Variants in SSBP2 observed in about 807,000 individuals in gnomAD.
SSBP2 encodes the protein single stranded DNA binding protein 2, also known as single-stranded DNA-binding protein 2.
In SSBP2, 17 loss-of-function variants were observed where a neutral mutation model predicts 61.8. The observed-to-expected ratio is 0.28, with a 90% CI of 0.19 to 0.41. The LOEUF is 0.41. SSBP2 is among the 10% of genes least tolerant of loss of function. SSBP2 has a pLI of 1.00. For missense variants in SSBP2, 310 were observed against 458.7 expected, an observed-to-expected ratio of 0.68 and a Z score of 2.96; for synonymous variants, 139 against 141.3, an observed-to-expected ratio of 0.98 and a Z score of 0.12.
intron 16 of SSBP2, among the ~76,000 whole-genome samples, chr5:81,422,017 T>C (rs1761644285): frequency 6.6e-6 from 1 of 152,160 alleles, no homozygotes. Context: ...AATTAAAATG[T>C]AAATGTGGAC....
At chr5:81,647,332 A>G (rs1749357341) in intron 2 of SSBP2, among the ~76,000 whole-genome samples, 1 of 152,078 alleles carries the variant, frequency 6.6e-6, no homozygotes, top group Non-Finnish European at 1.5e-5. Flanking sequence ...ATGTACCCAC[A>G]AAAATATATA....
chr5:81,696,488 G>C (rs1251433652), intron 1 of SSBP2, among the ~76,000 whole-genome samples: 1 of 152,160 alleles, frequency 6.6e-6, no homozygotes, highest in Non-Finnish European at 1.5e-5. Context: ...ATGGAAGTTG[G>C]GGGTGGGAGA....
chr5:81,526,979 CAAAG>C (rs933593753), intron 4 of SSBP2, among the ~76,000 whole-genome samples: 9 of 151,390 alleles, frequency 5.9e-5, no homozygotes, highest in South Asian at 2.1e-4. Context: ...AACAAAAAAA[CAAAG>C]AAAGAAAAAG....
intron 6 of SSBP2, among the ~76,000 whole-genome samples, chr5:81,474,886 A>G (rs1196640981): frequency 6.6e-6 from 1 of 152,188 alleles, no homozygotes; most frequent in Non-Finnish European, 1.5e-5. Context: ...TACTAAGAGT[A>G]CTGAAATAAC....
At chr5:81,662,833 T>A (rs191230139) in intron 1 of SSBP2, among the ~76,000 whole-genome samples, 1 of 152,006 alleles carries the variant, frequency 6.6e-6, no homozygotes, top group East Asian at 1.9e-4. Context: ...AAAAGAAAAT[T>A]ACAACTTCTA....
intron 5 of SSBP2, among the ~76,000 whole-genome samples, chr5:81,504,716 A>G (rs1768047127): frequency 1.3e-5 from 2 of 152,172 alleles, no homozygotes; most frequent in South Asian, 4.1e-4. Context: ...ATATTTTAAA[A>G]TAGTTATTTA....
intron 15 of SSBP2, among the ~76,000 whole-genome samples, chr5:81,437,180 CAACT>C (rs1366603837): frequency 6.6e-6 from 1 of 151,708 alleles, no homozygotes; most frequent in Non-Finnish European, 1.5e-5. Flanking sequence ...ACTTGGGTGT[CAACT>C]AATAATGTAT....
intron 1 of SSBP2, among the ~76,000 whole-genome samples, chr5:81,692,283 C>T (rs1177076689): frequency 6.6e-6 from 1 of 151,748 alleles, no homozygotes; most frequent in Non-Finnish European, 1.5e-5. Flanking sequence ...AATAAAATAC[C>T]TAGGAATTAA....
chr5:81,585,517 T>TA (rs987536099), intron 4 of SSBP2, among the ~76,000 whole-genome samples: 11 of 151,832 alleles, frequency 7.2e-5, no homozygotes, highest in Middle Eastern at 6.8e-3. Context: ...ACAAAGGTAT[T>TA]AAAAAAAATC....
chr5:81,668,640 T>C (rs185665097), intron 1 of SSBP2, among the ~76,000 whole-genome samples: 27 of 152,296 alleles, frequency 1.8e-4, no homozygotes, highest in Middle Eastern at 3.4e-3. Context: ...CTCCGTTTAA[T>C]TGTATAACAG....
intron 1 of SSBP2, among the ~76,000 whole-genome samples, chr5:81,698,823 C>T (rs902381478): frequency 6.6e-6 from 1 of 152,050 alleles, no homozygotes; most frequent in Admixed American, 6.6e-5. Context: ...ATAAAAAATA[C>T]ACTGCATACA....
chr5:81,446,213 G>C (rs1763391108), intron 12 of SSBP2, among the ~76,000 whole-genome samples: 2 of 150,550 alleles, frequency 1.3e-5, no homozygotes, highest in African/African-American at 2.5e-5. Context: ...TTCTAAGAAG[G>C]GTGCGCCAAT....
rs145265455 is a variant in SSBP2, at chr5:81,573,857, T to G, written c.282+41616A>C. 4.3e-3 allele frequency among the ~76,000 whole-genome samples: 656 copies of G among 152,290 alleles called. 3 individuals carry two copies. The highest frequency in any genetic ancestry group is 0.015 in the South Asian group (74 of 4,826). ...GAGCTGAGCTTAAAAACCATTATGC[T>G]TGACCAGGCGCAGTGGCTCATGCCT... On this transcript the variant is annotated intron_variant, in intron 4 of 16. Transcript: ENST00000320672.
chr5:81,629,661 T>C (rs947384009), intron 3 of SSBP2, among the ~76,000 whole-genome samples: 1 of 152,224 alleles, frequency 6.6e-6, no homozygotes, highest in Non-Finnish European at 1.5e-5. Context: ...GTTGCTATTA[T>C]AACCAGTACA....
intron 3 of SSBP2, among the ~76,000 whole-genome samples, chr5:81,623,328 GTAC>G (rs1746802221): frequency 7.1e-6 from 1 of 140,012 alleles, no homozygotes; most frequent in Non-Finnish European, 1.5e-5. Flanking sequence ...TTCCATTGTA[GTAC>G]TTTTTTTTTT....
chr5:81,697,130 T>A (rs1485715213), intron 1 of SSBP2, among the ~76,000 whole-genome samples: 1 of 152,268 alleles, frequency 6.6e-6, no homozygotes, highest in Non-Finnish European at 1.5e-5. Context: ...AGGCCAAAGA[T>A]GTTATCTACC....
intron 4 of SSBP2, among the ~76,000 whole-genome samples, chr5:81,544,471 G>A (rs1292992961): frequency 2.0e-5 from 3 of 152,168 alleles, no homozygotes; most frequent in Non-Finnish European, 2.9e-5. Flanking sequence ...ATGAGCAGGT[G>A]TGTCTCTTGA....
In SSBP2 at chr5:81,693,148, G is replaced by A. The variant is rs144178061; in HGVS notation, c.63-42809C>T. Among the ~76,000 whole-genome samples, 890 of 149,582 alleles carry A rather than the reference G, an allele frequency of 5.9e-3. 10 individuals carry two copies. Among genetic ancestry groups the A allele is most frequent in the African/African-American group, 0.021 (840 of 40,484 alleles). On this transcript the variant is annotated intron_variant, in intron 1 of 16. Transcript: ENST00000320672. ...TGAACCTGGAGGCAGAGGTTGCAGC[G>A]AGCCTAGATCACGCCACTGCACTCC...
intron 4 of SSBP2, among the ~76,000 whole-genome samples, chr5:81,521,462 A>C (rs1769476667): frequency 6.6e-6 from 1 of 151,966 alleles, no homozygotes; most frequent in Admixed American, 6.6e-5. Context: ...ACAGAGAGTA[A>C]ATGGATATTG....
Sources: gnomAD v4.1 joint callset for allele counts (sites outside exome capture counted in the v4.1 genomes callset) on GRCh38, gnomAD v4.1.1 for gene constraint, MANE v1.5 for transcripts, NCBI Gene and HGNC (gene_info 2026-07-23, HGNC 2026-07-21) for gene names.